The following ARMC2 variants were observed in gnomAD, a reference collection of about 807,000 sequenced individuals.
The protein encoded by ARMC2 is armadillo repeat-containing protein 2.
In ARMC2, 67 loss-of-function variants were observed where a neutral mutation model predicts 90.3. The observed-to-expected ratio is 0.74, with a 90% CI of 0.61 to 0.91. The LOEUF (loss-of-function observed/expected upper bound fraction) is 0.91. Among genes scored for constraint, ARMC2 ranks in the 40% least tolerant of loss-of-function variants. The pLI is 0.00. For synonymous variants in ARMC2, 393 were observed against 393.0 expected, an observed-to-expected ratio of 1.00 and a Z score of 0.00; for missense variants, 920 against 1,030.9, an observed-to-expected ratio of 0.89 and a Z score of 1.47.
At chr6:108,972,168 G>A (rs974714673) in intron 17 of ARMC2, among the ~76,000 whole-genome samples, 1 of 152,166 alleles carries the variant, frequency 6.6e-6, no homozygotes, top group African/African-American at 2.4e-5. Context: ...TTCCTACTTG[G>A]ATTGAATATA....
chr6:108,965,226 T>C, intron 17 of ARMC2, 86 bp downstream of exon 17: 1 of 1,227,130 alleles, frequency 8.1e-7, no homozygotes, highest in Non-Finnish European at 1.1e-6. Context: ...TAAATATTAG[T>C]ATGCATTTAG....
the ARMC2 span, among the ~76,000 whole-genome samples, chr6:109,004,290 TA>T: frequency 1.3e-5 from 2 of 152,074 alleles, no homozygotes; most frequent in African/African-American, 4.8e-5. Flanking sequence ...TTTAATGACA[TA>T]AAAATAAAGA....
At chr6:108,976,653 T>A (rs528047463), downstream of ARMC2, among the ~76,000 whole-genome samples, 1 of 152,088 alleles carries the variant, frequency 6.6e-6, no homozygotes, top group Non-Finnish European at 1.5e-5. Context: ...AATGTTTTTT[T>A]AATTTGTGTC....
At chr6:108,984,252 T>C in the ARMC2 span, among the ~76,000 whole-genome samples, 11 of 152,234 alleles carry the variant, frequency 7.2e-5, no homozygotes, top group African/African-American at 2.4e-4. Flanking sequence ...GTTTTCAATG[T>C]GTAAGTCTTT....
At chr6:108,854,131 A>AATATT in intron 1 of ARMC2, 94 bp from the exon 2 acceptor site, 1 of 631,728 alleles carries the variant, frequency 1.6e-6, no homozygotes, top group Non-Finnish European at 2.7e-6. Flanking sequence ...AGCTTAATAT[A>AATATT]GAGGAATGAT....
At chr6:108,991,514 T>C in the ARMC2 span, among the ~76,000 whole-genome samples, 1 of 152,182 alleles carries the variant, frequency 6.6e-6, no homozygotes, top group South Asian at 2.1e-4. Flanking sequence ...AGTGCTGGGA[T>C]TACACGTGGG....
intron 8 of ARMC2, 64 bp from the exon 9 acceptor site, chr6:108,910,834 TA>T (rs1773349075): frequency 1.4e-5 from 11 of 784,200 alleles, no homozygotes; most frequent in South Asian, 2.1e-5. Context: ...AGATGTGGTT[TA>T]TTTTTTTTAA....
chr6:108,973,685 G>A lies in ARMC2; in HGVS notation c.*171G>A, dbSNP rs572220878. On this transcript the variant is annotated 3_prime_UTR_variant, in exon 18 of 18. Coordinates refer to ENST00000392644, the MANE Select transcript of ARMC2 (RefSeq NM_032131.6). ...AAAATTAAGCATTTCTTCTTGTTAGGTATTATGGAAAAATGAATATACACA... is the reference window on the plus strand; with the variant it reads ...AAAATTAAGCATTTCTTCTTGTTAGATATTATGGAAAAATGAATATACACA... The A allele has an allele frequency of 1.3e-3, 713 of 567,388 alleles. 4 individuals are homozygous for A. The highest frequency in any genetic ancestry group is 7.4e-4 in the Non-Finnish European group (253 of 344,216). 35.1% of individuals were successfully genotyped at this position (567,388 alleles called of 1,614,324 possible).
intron 15 of ARMC2, among the ~76,000 whole-genome samples, chr6:108,963,631 T>G (rs1778153011): frequency 6.6e-6 from 1 of 152,182 alleles, no homozygotes; most frequent in South Asian, 2.1e-4. Context: ...CAGTTCCATT[T>G]CCTAGGAGTA....
intron 10 of ARMC2, among the ~76,000 whole-genome samples, chr6:108,925,021 C>T (rs1324592968): frequency 1.3e-5 from 2 of 152,136 alleles, no homozygotes; most frequent in Non-Finnish European, 2.9e-5. Flanking sequence ...AACAAATACA[C>T]AGAGGCTGGT....
chr6:109,041,411 C>T, the ARMC2 span, among the ~76,000 whole-genome samples: 1 of 152,132 alleles, frequency 6.6e-6, no homozygotes, highest in Non-Finnish European at 1.5e-5. Context: ...ATCTACCAAA[C>T]ATACTTGTAC....
intron 10 of ARMC2, among the ~76,000 whole-genome samples, chr6:108,927,380 A>T (rs889072653): frequency 4.6e-5 from 7 of 152,224 alleles, no homozygotes; most frequent in African/African-American, 7.2e-5. Flanking sequence ...ACCCAGGCTG[A>T]TGGGTGGTGA....
the ARMC2 span, chr6:108,987,471 G>A: frequency 2.4e-5 from 18 of 745,484 alleles, no homozygotes; most frequent in Non-Finnish European, 3.8e-5. Context: ...ATTGGTCCTG[G>A]GGCTTAGTAC....
At chr6:108,960,336 C>G (rs1777901860) in intron 13 of ARMC2, among the ~76,000 whole-genome samples, 1 of 152,226 alleles carries the variant, frequency 6.6e-6, no homozygotes, top group Non-Finnish European at 1.5e-5. Flanking sequence ...TGGGACCACT[C>G]CCAGCTGCAG....
rs1445299663 is a variant in ARMC2, at chr6:108,927,971, G to C, written c.1351-117G>C. 5.8e-6 allele frequency: 6 copies of C among 1,035,568 alleles called. No individual in the cohort carries two copies. In the African/African-American group the frequency reaches 9.8e-5, roughly 17 times the overall value. 64.1% of individuals were successfully genotyped at this position (1,035,568 alleles called of 1,614,324 possible). ...ATTCCCTGGTGGGAGATGCATAGCGGGAGCTTTGCTTAGCTACTGATATAA... is the reference window on the plus strand; with the variant it reads ...ATTCCCTGGTGGGAGATGCATAGCGCGAGCTTTGCTTAGCTACTGATATAA... On this transcript the variant is annotated intron_variant, in intron 10 of 17. Transcript: ENST00000392644.
the ARMC2 span, chr6:108,998,906 G>A: frequency 5.7e-6 from 5 of 875,156 alleles, no homozygotes; most frequent in African/African-American, 8.6e-5. Flanking sequence ...CCCAGAATTT[G>A]CTAATTTTTA....
the ARMC2 span, among the ~76,000 whole-genome samples, chr6:108,980,136 C>A: frequency 6.6e-5 from 10 of 152,020 alleles, no homozygotes; most frequent in African/African-American, 2.4e-4. Context: ...GATTTACCTA[C>A]CTTTGGTCTT....
At chr6:108,876,942 T>C (rs1007096836) in intron 5 of ARMC2, among the ~76,000 whole-genome samples, 1 of 152,212 alleles carries the variant, frequency 6.6e-6, no homozygotes, top group African/African-American at 2.4e-5. Flanking sequence ...CTTCCTACCA[T>C]ATTAAGGATC....
the ARMC2 span, chr6:108,986,410 G>T: frequency 1.3e-5 from 2 of 152,616 alleles, no homozygotes; most frequent in East Asian, 1.9e-4. Flanking sequence ...GTGAAGTCAT[G>T]ATTTTTTAAG....
Sources: allele counts gnomAD v4.1 joint callset (sites outside exome capture counted in the v4.1 genomes callset), GRCh38; gene constraint gnomAD v4.1.1; transcripts MANE v1.5; gene names NCBI Gene and HGNC (gene_info 2026-07-23, HGNC 2026-07-21).